The following GDA variants were observed in gnomAD, a reference collection of about 807,000 sequenced individuals.
GDA encodes the protein cytoplasmic PSD-95 interactor.
GDA carries 18 observed loss-of-function variants against 59.6 expected under a neutral mutation model. That is an observed-to-expected ratio of 0.30 (90% CI 0.21 to 0.45). The LOEUF (loss-of-function observed/expected upper bound fraction) is 0.45, where lower values mean the gene tolerates loss of function less well. Among genes scored for constraint, GDA ranks in the 20% least tolerant of loss-of-function variants. The probability of loss-of-function intolerance (pLI) is 1.00; values close to 1 mark genes in which losing one functional copy is unlikely to be tolerated. For synonymous variants in GDA, 201 were observed against 201.1 expected, an observed-to-expected ratio of 1.00 and a Z score of 0.00; for missense variants, 427 against 552.3, an observed-to-expected ratio of 0.77 and a Z score of 2.27.
intron 7 of GDA, among the ~76,000 whole-genome samples, chr9:72,225,319 CTAG>C (rs1837415303): frequency 6.6e-6 from 1 of 152,068 alleles, no homozygotes; most frequent in South Asian, 2.1e-4. Context: ...AGGCAGGTTG[CTAG>C]GGTCCTGACT....
intron 1 of GDA, among the ~76,000 whole-genome samples, chr9:72,131,000 A>C (rs1826006690): frequency 6.6e-6 from 1 of 152,232 alleles, no homozygotes; most frequent in South Asian, 2.1e-4. Context: ...GCCATGTGTC[A>C]GGCATTTGAG....
chr9:72,200,978 C>T (rs983801305), intron 2 of GDA, among the ~76,000 whole-genome samples: 3 of 151,990 alleles, frequency 2.0e-5, no homozygotes, highest in Non-Finnish European at 4.4e-5. Flanking sequence ...ATTCCCTGAG[C>T]TTTAGCTTAC....
chr9:72,128,223 A>T (rs17057454), intron 1 of GDA, among the ~76,000 whole-genome samples: 23,892 of 147,166 alleles, frequency 0.16, 2,480 homozygotes, highest in East Asian at 0.51. Context: ...TCATATTTAT[A>T]AAGCTACCTC....
chr9:72,219,328 G>A (rs879475523), intron 5 of GDA, 151 bp from the exon 6 acceptor site: 1 of 535,928 alleles, frequency 1.9e-6, no homozygotes, highest in Non-Finnish European at 3.3e-6. Context: ...GCGTGAACCC[G>A]GGAGGCGGAG....
intron 1 of GDA, among the ~76,000 whole-genome samples, chr9:72,166,502 T>G (rs1229278629): frequency 1.3e-5 from 2 of 152,146 alleles, no homozygotes; most frequent in Non-Finnish European, 2.9e-5. Flanking sequence ...GTATTCTACA[T>G]TTCAAAGTAG....
chr9:72,126,203 G>A (rs1352447316), intron 1 of GDA, among the ~76,000 whole-genome samples: 1 of 152,100 alleles, frequency 6.6e-6, no homozygotes, highest in Non-Finnish European at 1.5e-5. Context: ...ACCTGGCCAG[G>A]AATGTTTTTA....
chr9:72,239,760 T>C (rs1839409505), intron 10 of GDA, among the ~76,000 whole-genome samples: 1 of 152,170 alleles, frequency 6.6e-6, no homozygotes, highest in African/African-American at 2.4e-5. Flanking sequence ...AAGGGATGGT[T>C]ACTACATATT....
chr9:72,159,797 AT>A (rs1187111919), intron 1 of GDA, among the ~76,000 whole-genome samples: 1 of 152,156 alleles, frequency 6.6e-6, no homozygotes, highest in African/African-American at 2.4e-5. Flanking sequence ...GATAATTTTT[AT>A]TTTTGTATTG....
At position 72,250,000 on chromosome 9, in the gene GDA, TA is replaced by T. The variant is rs1039752122; in HGVS notation, c.*1661del. On this transcript the variant is annotated 3_prime_UTR_variant, in exon 14 of 14. Coordinates refer to ENST00000358399, the MANE Select transcript of GDA (RefSeq NM_004293.5). ...ACAAAAGTTAGTTTTATTTTTTTAA[TA>T]AACAACAGAGTTTGTTTTGTGAGAT... The T allele has an allele frequency of 1.0e-6, 1 of 955,050 alleles. No individual in the cohort carries two copies. The highest frequency in any genetic ancestry group is 1.8e-5 in the African/African-American group (1 of 56,662). The allele number at this position is 955,050 out of a possible 1,614,324, so 59.2% of individuals were successfully genotyped here.
In GDA at chr9:72,245,324, G is replaced by T. The variant is rs543352362; in HGVS notation, c.1266+46G>T. 7 of 1,412,736 alleles carry T rather than the reference G, an allele frequency of 5.0e-6. No individual in the cohort carries two copies. The African/African-American group carries it at 9.9e-5, about 20-fold the overall frequency. The allele number at this position is 1,412,736 out of a possible 1,614,324, so 87.5% of individuals were successfully genotyped here. On this transcript the variant is annotated intron_variant, in intron 12 of 13. Transcript: ENST00000358399. ...CAAAAGGCATTTATTTCATAAAGTC[G>T]TCATAATAGCTTCCCTGTAGAAAAG...
chr9:72,213,802 CAAAA>C lies in GDA; in HGVS notation c.473-70_473-67del, dbSNP rs200145454. The stretch of plus-strand genomic sequence containing the variant: ...TGGGCTAAACAGCGGGACTCCGTCT[CAAAA>C]AAAAAAAAAAAAAGAAAAAGAAAAA... On this transcript the variant is annotated intron_variant, in intron 4 of 13. Coordinates refer to ENST00000358399, the MANE Select transcript of GDA (RefSeq NM_004293.5). 3.5e-3 allele frequency: 2,121 copies of C among 612,206 alleles called. 2 individuals carry two copies. The highest frequency in any genetic ancestry group is 4.2e-3 in the Admixed American group (130 of 31,162). 37.9% of individuals were successfully genotyped at this position (612,206 alleles called of 1,614,324 possible).
chr9:72,118,273 CAAAAAAAAAA>C (rs373179585), intron 1 of GDA, among the ~76,000 whole-genome samples: 14 of 66,154 alleles, frequency 2.1e-4, no homozygotes, highest in African/African-American at 7.4e-4. Context: ...GACTCCACCT[CAAAAAAAAAA>C]AAAAAAAAAA....
chr9:72,194,925 G>A lies in GDA; in HGVS notation c.124-575G>A, dbSNP rs1480651902. ...GCTATAACAGAACAGCACTGAGTTC[G>A]GTGGCTCATAATTGCTATGCTCTCC... On this transcript the variant is annotated intron_variant, in intron 1 of 13. Coordinates refer to ENST00000358399, the MANE Select transcript of GDA (RefSeq NM_004293.5). 2.6e-5 allele frequency among the ~76,000 whole-genome samples: 4 copies of A among 152,110 alleles called. 1 individual carries two copies. Among genetic ancestry groups the A allele is most frequent in the South Asian group, 4.1e-4 (2 of 4,822 alleles).
At chr9:72,144,809 A>G (rs1482037349), upstream of GDA, among the ~76,000 whole-genome samples, 2 of 152,110 alleles carry the variant, frequency 1.3e-5, no homozygotes, top group Non-Finnish European at 2.9e-5. Flanking sequence ...ATGATTTGCT[A>G]TCCATTAAGG....
chr9:72,227,600 T>C (rs13295564), intron 8 of GDA, among the ~76,000 whole-genome samples: 24,499 of 152,112 alleles, frequency 0.16, 2,179 homozygotes, highest in Middle Eastern at 0.29. Flanking sequence ...CTTGACAGTC[T>C]TCTAAAGTAG....
intron 3 of GDA, among the ~76,000 whole-genome samples, chr9:72,207,892 T>C (rs928360060): frequency 1.3e-5 from 2 of 152,074 alleles, no homozygotes; most frequent in African/African-American, 4.8e-5. Context: ...AGAGGATCAC[T>C]TGGGGCCATG....
intron 3 of GDA, among the ~76,000 whole-genome samples, chr9:72,206,398 GATA>G (rs1834710004): frequency 6.6e-6 from 1 of 151,896 alleles, no homozygotes; most frequent in African/African-American, 2.4e-5. Flanking sequence ...CTATATTTAA[GATA>G]ATATTTAACT....
upstream of GDA, among the ~76,000 whole-genome samples, chr9:72,147,294 G>A (rs148002000): frequency 0.015 from 2,273 of 152,252 alleles, 63 homozygotes; most frequent in African/African-American, 0.052. Flanking sequence ...TGCAACCTCC[G>A]CCTCCGGGGT....
intron 5 of GDA, among the ~76,000 whole-genome samples, chr9:72,218,126 C>G (rs1836378454): frequency 6.6e-6 from 1 of 152,156 alleles, no homozygotes; most frequent in Non-Finnish European, 1.5e-5. Context: ...ATTGGCCAGG[C>G]TGATCTTGAA....
Sources: allele counts gnomAD v4.1 joint callset (sites outside exome capture counted in the v4.1 genomes callset), GRCh38; gene constraint gnomAD v4.1.1; transcripts MANE v1.5; gene names NCBI Gene and HGNC (gene_info 2026-07-23, HGNC 2026-07-21).